The following UGGT2 variants were observed in gnomAD, a reference collection of about 807,000 sequenced individuals.
UGGT2 encodes UDP-glucose glycoprotein glucosyltransferase 2, also known as UDP-glucose:glycoprotein glucosyltransferase 2.
UGGT2 carries 180 observed loss-of-function variants against 192.1 expected under a neutral mutation model. That is an observed-to-expected ratio of 0.94 (90% confidence interval 0.83 to 1.06). UGGT2 has a LOEUF of 1.06. Ranked by LOEUF, UGGT2 falls within the 50% of genes least tolerant of loss-of-function variation. The pLI is 0.00. For synonymous variants in UGGT2, 580 were observed against 591.0 expected, an observed-to-expected ratio of 0.98 and a Z score of 0.27; for missense variants, 1,849 against 1,795.7, an observed-to-expected ratio of 1.03 and a Z score of -0.54.
At chr13:95,815,332 A>C (rs1490118243) in intron 38 of UGGT2, among the ~76,000 whole-genome samples, 1 of 152,246 alleles carries the variant, frequency 6.6e-6, no homozygotes, top group Admixed American at 6.5e-5. Flanking sequence ...CTCTACAACT[A>C]TAACAGGACC....
chr13:95,900,859 T>G lies in UGGT2; in HGVS notation c.2582A>C (p.Gln861Pro). 1 of 1,611,974 alleles carries G rather than the reference T, an allele frequency of 6.2e-7. No individual in the cohort carries two copies. Among genetic ancestry groups the G allele is most frequent in the Non-Finnish European group, 8.5e-7 (1 of 1,179,176 alleles). ...NIFRTHQLFCQDVLKLRPGEM... is the reference protein window; with the variant it reads ...NIFRTHQLFCPDVLKLRPGEM... ...TCCAGGACGTAATTTAAGTACATCT[T>G]GACAGAACAACTGGTGAGTTCGAAA... Residue 861 changes from glutamine to proline, a missense_variant, in exon 22 of 39, where the codon CAA (glutamine) becomes CCA (proline). Coordinates refer to ENST00000376747, the MANE Select transcript of UGGT2 (RefSeq NM_020121.4).
In UGGT2 at chr13:95,876,345, G is replaced by C. The variant is rs1485443942; in HGVS notation, c.3473+934C>G. Among the ~76,000 whole-genome samples, 3 of 152,182 alleles carry C rather than the reference G, an allele frequency of 2.0e-5. No individual in the cohort carries two copies. In the East Asian group the frequency reaches 5.8e-4, roughly 29 times the overall value. On this transcript the variant is annotated intron_variant, in intron 29 of 38. Transcript: ENST00000376747. ...AAGTCTAAGAGCCTGAATTTGTGGG[G>C]GCTGGCCTGGCATTGAGGCTGGGCA...
chr13:95,983,832 A>T lies in UGGT2; in HGVS notation c.1064T>A (p.Met355Lys), dbSNP rs960484967. ...SLTRIAVNQH[M>K]REEIKENQKD... Reference sequence around the variant, plus strand: ...TTGATTTTCCTTTATTTCTTCTCTCATATGTTGATTTACAGCAATTCTGGT... The same window carrying T: ...TTGATTTTCCTTTATTTCTTCTCTCTTATGTTGATTTACAGCAATTCTGGT... Residue 355 changes from methionine to lysine, a missense_variant, in exon 10 of 39, where the codon ATG (methionine) becomes AAG (lysine). By Grantham distance (95) the Met-to-Lys change is moderately conservative. Transcript: ENST00000376747. 1.6e-5 allele frequency: 25 copies of T among 1,569,354 alleles called. No homozygotes were observed. The highest frequency in any genetic ancestry group is 2.0e-5 in the Non-Finnish European group (23 of 1,157,562).
intron 4 of UGGT2, 135 bp downstream of exon 4, chr13:96,022,905 C>T (rs7988378): frequency 6.3e-6 from 3 of 476,582 alleles, no homozygotes; most frequent in Admixed American, 4.4e-5. Context: ...AGATATATTA[C>T]GGTTTTCAAT....
chr13:95,954,246 CATT>C (rs537354676), intron 12 of UGGT2, among the ~76,000 whole-genome samples: 219 of 152,300 alleles, frequency 1.4e-3, no homozygotes, highest in Non-Finnish European at 2.1e-3. Context: ...CAAGATATCT[CATT>C]ATGTATGTAA....
chr13:95,899,503 G>A (rs963943970), intron 22 of UGGT2, among the ~76,000 whole-genome samples: 1 of 151,944 alleles, frequency 6.6e-6, no homozygotes, highest in Non-Finnish European at 1.5e-5. Context: ...TTATGTTTAT[G>A]AGAAATAAGT....
At chr13:95,806,408 T>A (rs1034027069) in intron 38 of UGGT2, among the ~76,000 whole-genome samples, 4 of 152,142 alleles carry the variant, frequency 2.6e-5, no homozygotes, top group South Asian at 2.1e-4. Context: ...TGGTGTCCAG[T>A]GAATTGGAGA....
chr13:96,038,297 T>C (rs1464859732), intron 1 of UGGT2, among the ~76,000 whole-genome samples: 2 of 152,200 alleles, frequency 1.3e-5, no homozygotes, highest in South Asian at 2.1e-4. Flanking sequence ...GCTCACCTTT[T>C]AACAACAGAG....
intron 27 of UGGT2, among the ~76,000 whole-genome samples, chr13:95,881,894 G>C (rs1332691726): frequency 6.7e-6 from 1 of 149,946 alleles, no homozygotes. Flanking sequence ...CCAGGTAAAA[G>C]TAACTGTCTC....
At chr13:95,928,595 C>A (rs922188403) in intron 17 of UGGT2, among the ~76,000 whole-genome samples, 3 of 150,450 alleles carry the variant, frequency 2.0e-5, no homozygotes, top group Non-Finnish European at 4.4e-5. Context: ...ACAGCCCAGA[C>A]GGGGCGGCGG....
chr13:96,027,779 AACTTACT>A (rs1254441869), intron 2 of UGGT2, among the ~76,000 whole-genome samples: 1 of 152,230 alleles, frequency 6.6e-6, no homozygotes, highest in Non-Finnish European at 1.5e-5. Flanking sequence ...CTCACATCTT[AACTTACT>A]AAAGTCTTGA....
intron 30 of UGGT2, among the ~76,000 whole-genome samples, chr13:95,865,870 T>C (rs2140106369): frequency 6.6e-6 from 1 of 152,356 alleles, no homozygotes; most frequent in South Asian, 2.1e-4. Context: ...CTTTATCTTA[T>C]CTTCATAACA....
intron 30 of UGGT2, among the ~76,000 whole-genome samples, chr13:95,864,840 G>A (rs1890501050): frequency 6.6e-6 from 1 of 151,794 alleles, no homozygotes; most frequent in Non-Finnish European, 1.5e-5. Context: ...CATTGTACTG[G>A]CAAACATCTC....
intron 20 of UGGT2, among the ~76,000 whole-genome samples, chr13:95,923,142 C>T (rs1242012527): frequency 6.6e-6 from 1 of 152,116 alleles, no homozygotes. Context: ...GTCTCAAACT[C>T]CTGGGCTCAA....
rs574577275 is a variant in UGGT2 at position 95,837,112 on chromosome 13, T to G, written c.4375A>C (p.Lys1459Gln). The change falls in exon 37 of 39, where the codon AAA becomes CAA. Residue 1459 changes from lysine (K) to glutamine (Q), a missense_variant. Lys to Gln is a moderately conservative substitution (Grantham distance 53). Coordinates refer to ENST00000376747, the MANE Select transcript of UGGT2 (RefSeq NM_020121.4). ...AGATCAATTGTTTTGGCTCTTTGTT[T>G]GGATTCATCATCACACCAGGTTTCA... ...WCETWCDDESKQRAKTIDLCN... is the reference protein window; with the variant it reads ...WCETWCDDESQQRAKTIDLCN... The G allele has an allele frequency of 1.2e-6, 2 of 1,614,006 alleles. No individual in the cohort carries two copies. The highest frequency in any genetic ancestry group is 3.3e-5 in the Admixed American group (2 of 60,006).
intron 5 of UGGT2, among the ~76,000 whole-genome samples, chr13:96,006,415 A>G (rs2051976685): frequency 1.3e-5 from 2 of 152,206 alleles, no homozygotes; most frequent in East Asian, 1.9e-4. Flanking sequence ...GCCTGGGGTC[A>G]GGAGTTCGAG....
In UGGT2 at chr13:95,846,341, CGCAGG is replaced by C. The variant is rs572518034; in HGVS notation, c.4284+7197_4284+7201del. On this transcript the variant is annotated intron_variant, in intron 36 of 38. Coordinates refer to ENST00000376747, the MANE Select transcript of UGGT2 (RefSeq NM_020121.4). ...TCGGCAGGCTGAGGCAGGAGAATCA[CGCAGG>C]GAAGTTGCAGTGAGCCAAGATGGCG... 2.7e-4 allele frequency among the ~76,000 whole-genome samples: 41 copies of C among 151,272 alleles called. No homozygotes were observed. In the South Asian group the frequency reaches 4.2e-3, roughly 16 times the overall value.
chr13:95,911,247 C>T (rs932327022), intron 20 of UGGT2, among the ~76,000 whole-genome samples: 1 of 152,048 alleles, frequency 6.6e-6, no homozygotes, highest in African/African-American at 2.4e-5. Context: ...CAGAGCAGAA[C>T]TGAAGGAGAT....
At chr13:96,028,728 A>G (rs1393155863) in intron 2 of UGGT2, among the ~76,000 whole-genome samples, 2 of 152,242 alleles carry the variant, frequency 1.3e-5, no homozygotes, top group African/African-American at 4.8e-5. Flanking sequence ...GTGGATCACT[A>G]AGACATGCTT....
Sources: allele counts gnomAD v4.1 joint callset (sites outside exome capture counted in the v4.1 genomes callset), GRCh38; gene constraint gnomAD v4.1.1; transcripts MANE v1.5; gene names NCBI Gene and HGNC (gene_info 2026-07-23, HGNC 2026-07-21).